Variants in KCNC2 observed in about 807,000 individuals in gnomAD.
KCNC2 encodes the protein potassium voltage-gated channel subfamily C member 2, also known as voltage-gated potassium channel KCNC2.
In KCNC2, 21 loss-of-function variants were observed where a neutral mutation model predicts 44.5. That is an observed-to-expected ratio of 0.47 (90% CI 0.33 to 0.68). KCNC2 has a LOEUF of 0.68. Among genes scored for constraint, KCNC2 ranks in the 30% least tolerant of loss-of-function variants. The pLI, the probability that KCNC2 is intolerant of heterozygous loss-of-function variation, is 0.01. For missense variants in KCNC2, 589 were observed against 826.2 expected, an observed-to-expected ratio of 0.71 and a Z score of 3.52; for synonymous variants, 391 against 339.1, an observed-to-expected ratio of 1.15 and a Z score of -1.68.
rs1880029605 is a variant in KCNC2, at chr12:75,042,547, G to A, written c.*558C>T. 1.2e-5 allele frequency: 17 copies of A among 1,401,082 alleles called. No homozygotes were observed. Among genetic ancestry groups the A allele is most frequent in the Non-Finnish European group, 1.5e-5 (16 of 1,081,348 alleles). The allele number at this position is 1,401,082 out of a possible 1,614,324, so 86.8% of individuals were successfully genotyped here. A position where few individuals can be genotyped will look rare whatever the true frequency, so the allele number is the denominator to read the frequency against. ...CCACAATTCAACATGCAGAACAGTC[G>A]ACCAATGCTTTCATATCAGCAGGAT... On this transcript the variant is annotated 3_prime_UTR_variant, in exon 5 of 5. Transcript: ENST00000549446.
chr12:75,166,150 T>G (rs190614131), intron 2 of KCNC2, among the ~76,000 whole-genome samples: 1 of 150,938 alleles, frequency 6.6e-6, no homozygotes, highest in Admixed American at 6.6e-5. Flanking sequence ...AAGGCAAAAA[T>G]TGGTATGAGA....
chr12:75,046,386 T>C (rs918335114), intron 4 of KCNC2, among the ~76,000 whole-genome samples: 1 of 151,766 alleles, frequency 6.6e-6, no homozygotes, highest in Non-Finnish European at 1.5e-5. Context: ...CATTCGTGAT[T>C]TTCTTTGACA....
chr12:75,045,942 A>T (rs1880455334), intron 4 of KCNC2, among the ~76,000 whole-genome samples: 1 of 151,850 alleles, frequency 6.6e-6, no homozygotes, highest in Admixed American at 6.6e-5. Flanking sequence ...AGGGATAAAT[A>T]AATGAAAGGA....
chr12:75,104,229 T>C (rs117367966), intron 2 of KCNC2, among the ~76,000 whole-genome samples: 1,720 of 152,154 alleles, frequency 0.011, 20 homozygotes, highest in Non-Finnish European at 0.016. Flanking sequence ...GAGCAGACAA[T>C]GTCAATGATC....
chr12:75,142,265 C>T (rs1390416215), intron 2 of KCNC2, among the ~76,000 whole-genome samples: 1 of 152,088 alleles, frequency 6.6e-6, no homozygotes, highest in Non-Finnish European at 1.5e-5. Context: ...ACAAACAAAA[C>T]AAAGAGATAA....
At chr12:75,101,232 C>T (rs1886346595) in intron 2 of KCNC2, among the ~76,000 whole-genome samples, 1 of 152,072 alleles carries the variant, frequency 6.6e-6, no homozygotes, top group African/African-American at 2.4e-5. Flanking sequence ...ATCCAGCACA[C>T]TAAAAGCAGG....
At chr12:75,097,427 T>C (rs1402693047) in intron 2 of KCNC2, among the ~76,000 whole-genome samples, 2 of 152,108 alleles carry the variant, frequency 1.3e-5, no homozygotes, top group East Asian at 1.9e-4. Flanking sequence ...TGTATGTATA[T>C]TGGGCCATTA....
At chr12:75,099,666 C>T (rs1886217295) in intron 2 of KCNC2, among the ~76,000 whole-genome samples, 1 of 152,154 alleles carries the variant, frequency 6.6e-6, no homozygotes, top group South Asian at 2.1e-4. Context: ...GGGAAATAAA[C>T]TCAGCTTTTG....
chr12:75,180,472 T>G (rs1004048220), intron 2 of KCNC2, among the ~76,000 whole-genome samples: 1 of 151,846 alleles, frequency 6.6e-6, no homozygotes, highest in African/African-American at 2.4e-5. Context: ...CAATCAAGTT[T>G]TATTGTTTTT....
At chr12:75,183,416 G>T (rs1892732130) in intron 2 of KCNC2, among the ~76,000 whole-genome samples, 1 of 152,108 alleles carries the variant, frequency 6.6e-6, no homozygotes, top group Non-Finnish European at 1.5e-5. Context: ...CATTAAACTT[G>T]CTTTTCAATG....
intron 2 of KCNC2, chr12:75,125,025 G>A (rs1888313603): frequency 6.6e-6 from 1 of 152,232 alleles, no homozygotes; most frequent in African/African-American, 2.4e-5. Flanking sequence ...AGAATGGCGT[G>A]AACCCAGGAG....
chr12:75,088,558 T>G (rs997785582), intron 2 of KCNC2, among the ~76,000 whole-genome samples: 1 of 152,014 alleles, frequency 6.6e-6, no homozygotes, highest in Non-Finnish European at 1.5e-5. Flanking sequence ...ACCATAGATC[T>G]TAGTTTGTCT....
chr12:75,059,038 C>A (rs538809328), intron 2 of KCNC2, among the ~76,000 whole-genome samples: 20 of 152,124 alleles, frequency 1.3e-4, no homozygotes, highest in African/African-American at 4.3e-4. Flanking sequence ...CTAGAGTCTC[C>A]CTTCCTCCTG....
At chr12:75,205,609 T>C (rs1262071194) in intron 2 of KCNC2, among the ~76,000 whole-genome samples, 1 of 152,092 alleles carries the variant, frequency 6.6e-6, no homozygotes, top group Non-Finnish European at 1.5e-5. Flanking sequence ...TATGTTATCA[T>C]AAGGAAAAAT....
chr12:75,143,026 A>T (rs1417227647), intron 2 of KCNC2, among the ~76,000 whole-genome samples: 1 of 152,168 alleles, frequency 6.6e-6, no homozygotes, highest in African/African-American at 2.4e-5. Flanking sequence ...CAAATCCAAG[A>T]GGATGTGGAA....
chr12:75,076,453 T>C (rs28472273), intron 2 of KCNC2, among the ~76,000 whole-genome samples: 21 of 152,044 alleles, frequency 1.4e-4, no homozygotes, highest in African/African-American at 4.8e-4. Context: ...TTTTTATTTT[T>C]AGTAGAGATA....
intron 2 of KCNC2, among the ~76,000 whole-genome samples, chr12:75,199,948 G>GA (rs1009278352): frequency 6.6e-6 from 1 of 151,660 alleles, no homozygotes; most frequent in Non-Finnish European, 1.5e-5. Flanking sequence ...AAGCTGAAGG[G>GA]AAAAAAAGTG....
chr12:75,064,820 G>A (rs1187938152), intron 2 of KCNC2, among the ~76,000 whole-genome samples: 2 of 151,724 alleles, frequency 1.3e-5, no homozygotes, highest in Admixed American at 6.6e-5. Context: ...TTATTGTTTC[G>A]AATACTTGGA....
intron 2 of KCNC2, among the ~76,000 whole-genome samples, chr12:75,116,144 T>G (rs1252122310): frequency 6.6e-6 from 1 of 152,172 alleles, no homozygotes; most frequent in Non-Finnish European, 1.5e-5. Context: ...CAGGGGATTA[T>G]ACCTTTACAA....
Sources: allele counts gnomAD v4.1 joint callset (sites outside exome capture counted in the v4.1 genomes callset), GRCh38; gene constraint gnomAD v4.1.1; transcripts MANE v1.5; gene names NCBI Gene and HGNC (gene_info 2026-07-23, HGNC 2026-07-21).